The following TTC39A variants were observed in gnomAD, a reference collection of about 807,000 sequenced individuals.
The protein encoded by TTC39A is tetratricopeptide repeat domain 39A.
In TTC39A, 46 loss-of-function variants were observed where a neutral mutation model predicts 82.3. The observed-to-expected ratio is 0.56, with a 90% CI of 0.44 to 0.71. TTC39A has a LOEUF of 0.71. Among genes scored for constraint, TTC39A ranks in the 30% least tolerant of loss-of-function variants. The pLI is 0.00. For synonymous variants in TTC39A, 254 were observed against 275.2 expected (o/e 0.92, Z 0.76); for missense variants, 543 against 712.9 (o/e 0.76, Z 2.71).
At chr1:51,328,587 A>G (rs1450688305) in intron 1 of TTC39A, among the ~76,000 whole-genome samples, 1 of 152,206 alleles carries the variant, frequency 6.6e-6, no homozygotes, top group East Asian at 1.9e-4. Context: ...GATAAAACCT[A>G]AATTCAGGAT....
At chr1:51,302,680 T>G in intron 9 of TTC39A, 107 bp from the exon 10 acceptor site, 1 of 1,211,772 alleles carries the variant, frequency 8.3e-7, no homozygotes, top group Non-Finnish European at 1.2e-6. Flanking sequence ...TCCCCCTCTG[T>G]GAAATCGAGA....
Position 51,302,545 on chromosome 1 carries a change from G to C in TTC39A, c.792C>G (p.Ala264=). ...LGTGNVNIEE[A]EKLLKPYLNR... The stretch of plus-strand genomic sequence containing the variant: ...TCAGGTAGGGCTTCAAGAGCTTCTC[G>C]GCCTCCTCGATGTTGACGTTCCCAG... The change falls in exon 10 of 18, where the codon GCC becomes GCG. Residue 264 remains alanine, a synonymous_variant. Coordinates refer to ENST00000680483, the MANE Select transcript of TTC39A (RefSeq NM_001297663.2). 6.2e-7 allele frequency: 1 copy of C among 1,607,582 alleles called. No individual in the cohort carries two copies. The highest frequency in any genetic ancestry group is 8.5e-7 in the Non-Finnish European group (1 of 1,177,158).
chr1:51,294,131 G>A lies in TTC39A; in HGVS notation c.1266+260C>T, dbSNP rs941970598. 3.9e-5 allele frequency among the ~76,000 whole-genome samples: 6 copies of A among 152,196 alleles called. No homozygotes were observed. Among genetic ancestry groups the A allele is most frequent in the African/African-American group, 7.2e-5 (3 of 41,440 alleles). On this transcript the variant is annotated intron_variant, in intron 14 of 17. Transcript: ENST00000680483. The surrounding 1 kb of genome is among the most constrained non-coding windows in gnomAD (Gnocchi z 4.3). ...GGGTGATGCCGCTGCCTGGGCACAT[G>A]GACATGGGGCTCTCTGTCCAGGAGG...
Position 51,294,397 on chromosome 1 carries a change from A to C in TTC39A, c.1260T>G (p.Pro420=). The change falls in exon 14 of 18, where the codon CCT becomes CCG. Residue 420 remains proline (P), a synonymous_variant. Transcript: ENST00000680483. The surrounding 1 kb of genome is among the most constrained non-coding windows in gnomAD (Gnocchi z 4.3). ...FSSNPISLPV[P]ALEMMYIWNG... is the part of the protein sequence containing the mutation. ...GTCCAGACCTCCTACCCACCAGAGC[A>C]GGCACTGGCAGCGAGATAGGGTTGG... 2.5e-6 allele frequency: 4 copies of C among 1,613,966 alleles called. No individual in the cohort carries two copies. The highest frequency in any genetic ancestry group is 3.4e-6 in the Non-Finnish European group (4 of 1,179,876).
intron 6 of TTC39A, 64 bp from the exon 7 acceptor site, chr1:51,306,140 C>T: frequency 7.2e-7 from 1 of 1,394,562 alleles, no homozygotes; most frequent in Admixed American, 1.7e-5. Context: ...GGCTGGGACC[C>T]CTTCCAGCTG....
At position 51,288,888 on chromosome 1, in the gene TTC39A, TA is replaced by T; in HGVS notation, c.1560del (p.Met521TrpfsTer44). On this transcript the variant is annotated frameshift_variant, in exon 17 of 18. Transcript: ENST00000680483. LOFTEE classifies it high-confidence loss of function. This position sits in a 1 kb window ranked among gnomAD's most constrained non-coding sequence, Gnocchi z 4.8. ...GCCTCTTCGTTTCTGTCTTGCTCCA[TA>T]AGCAGCAGGGCCAGCTCCAGCAGGG... ...PNALLELALL[L>X]MEQDRNEEAI... The T allele has an allele frequency of 6.2e-7, 1 of 1,612,608 alleles. No homozygotes were observed. The highest frequency in any genetic ancestry group is 8.5e-7 in the Non-Finnish European group (1 of 1,179,388).
chr1:51,326,139 G>C (rs946597770), intron 1 of TTC39A, among the ~76,000 whole-genome samples: 1 of 152,198 alleles, frequency 6.6e-6, no homozygotes, highest in African/African-American at 2.4e-5. Context: ...GACAGATGCA[G>C]ACAGGGCAGT....
chr1:51,313,002 C>A, intron 2 of TTC39A, 59 bp from the exon 3 acceptor site: 1 of 1,577,070 alleles, frequency 6.3e-7, no homozygotes, highest in South Asian at 1.2e-5. Flanking sequence ...GGCAGCTGGT[C>A]CTGGGCAGCT....
intron 11 of TTC39A, chr1:51,302,060 C>T (rs1010995388): frequency 1.4e-6 from 1 of 713,366 alleles, no homozygotes; most frequent in African/African-American, 1.7e-5. Flanking sequence ...AACAGATGGG[C>T]TTTCCTAACC....
At chr1:51,317,277 G>T in intron 2 of TTC39A, among the ~76,000 whole-genome samples, 1 of 152,202 alleles carries the variant, frequency 6.6e-6, no homozygotes, top group East Asian at 1.9e-4. Flanking sequence ...AGTGAGGAAG[G>T]GAGGCTGTTT....
chr1:51,330,911 C>A (rs1645895194), upstream of TTC39A: 1 of 608,456 alleles, frequency 1.6e-6, no homozygotes, highest in Non-Finnish European at 3.0e-6. This position sits in a 1 kb window ranked among gnomAD's most constrained non-coding sequence, Gnocchi z 4.5. Flanking sequence ...CCGTCACCAT[C>A]CTCCCGCATT....
intron 6 of TTC39A, among the ~76,000 whole-genome samples, chr1:51,307,032 C>T (rs192144221): frequency 3.9e-5 from 6 of 152,264 alleles, no homozygotes; most frequent in Admixed American, 3.9e-4. Flanking sequence ...GAGAGAACAG[C>T]ACGTCCAAAG....
intron 6 of TTC39A, among the ~76,000 whole-genome samples, chr1:51,307,848 C>T (rs1644931913): frequency 6.6e-6 from 1 of 151,212 alleles, no homozygotes. Flanking sequence ...TTTAAGTGTA[C>T]AATTCAGTGG....
upstream of TTC39A, among the ~76,000 whole-genome samples, chr1:51,335,557 G>T (rs1249682651): frequency 3.1e-5 from 4 of 127,034 alleles, no homozygotes; most frequent in Admixed American, 8.3e-5. Context: ...AGAAACTCTT[G>T]TCTCACAAAA....
At chr1:51,344,937 C>G (rs1386971301) in intron 1 of TTC39A, 2 of 1,521,072 alleles carry the variant, frequency 1.3e-6, no homozygotes, top group Middle Eastern at 1.7e-4. Context: ...GGTCCTCCGG[C>G]GGCCCCTTGG....
upstream of TTC39A, chr1:51,331,695 C>A: frequency 6.1e-6 from 6 of 985,394 alleles, no homozygotes; most frequent in South Asian, 2.8e-4. Context: ...TGAGCAGGGG[C>A]AGATGCTCAC....
At chr1:51,343,326 T>C (rs958375285) in intron 1 of TTC39A, among the ~76,000 whole-genome samples, 1 of 152,174 alleles carries the variant, frequency 6.6e-6, no homozygotes, top group African/African-American at 2.4e-5. Context: ...TGGTCAGCTT[T>C]AAATAAGTAA....
upstream of TTC39A, chr1:51,330,997 A>C: frequency 1.5e-6 from 1 of 683,004 alleles, no homozygotes; most frequent in Non-Finnish European, 2.6e-6. This position sits in a 1 kb window ranked among gnomAD's most constrained non-coding sequence, Gnocchi z 4.5. Flanking sequence ...TCGCCCACTG[A>C]GTGACTGCAG....
rs958643965 is a variant in TTC39A, at chr1:51,321,923, G to A, written c.42-98C>T. On this transcript the variant is annotated intron_variant, in intron 1 of 17. Coordinates refer to ENST00000680483, the MANE Select transcript of TTC39A (RefSeq NM_001297663.2). The surrounding 1 kb of genome is among the most constrained non-coding windows in gnomAD (Gnocchi z 4.6). The stretch of plus-strand genomic sequence containing the variant: ...TCACAGGGTCTACTCAGCCTCCCTG[G>A]CCAGCCTTGGGTGCCTGTCACGAGC... The A allele has an allele frequency of 1.2e-5, 16 of 1,378,716 alleles. No individual in the cohort carries two copies. Among genetic ancestry groups the A allele is most frequent in the Non-Finnish European group, 1.6e-5 (16 of 997,810 alleles). The allele number at this position is 1,378,716 out of a possible 1,614,324, so 85.4% of individuals were successfully genotyped here. A position where few individuals can be genotyped will look rare whatever the true frequency, so the allele number is the denominator to read the frequency against.
Sources: gnomAD v4.1 joint callset for allele counts (sites outside exome capture counted in the v4.1 genomes callset) on GRCh38, gnomAD v4.1.1 for gene constraint, Gnocchi (gnomAD v3.1) non-coding constraint, MANE v1.5 for transcripts, NCBI Gene and HGNC (gene_info 2026-07-23, HGNC 2026-07-21) for gene names.